Variants in GRIP1 observed in about 807,000 individuals in gnomAD.
GRIP1 encodes the protein glutamate receptor interacting protein 1.
Under a neutral mutation model 129.9 loss-of-function variants are expected in GRIP1, and 45 were observed. That is an observed-to-expected ratio of 0.35 (90% CI 0.27 to 0.44). The LOEUF (loss-of-function observed/expected upper bound fraction) is 0.44. GRIP1 is among the 20% of genes least tolerant of loss of function. GRIP1 has a pLI of 1.00. For synonymous variants in GRIP1, 530 were observed against 520.8 expected (o/e 1.02, Z -0.24); for missense variants, 1,196 against 1,396.8 (o/e 0.86, Z 2.29).
At chr12:66,698,566 C>T (rs2035243145) in intron 1 of GRIP1, among the ~76,000 whole-genome samples, 1 of 152,204 alleles carries the variant, frequency 6.6e-6, no homozygotes, top group African/African-American at 2.4e-5. Flanking sequence ...CCGCAAGTCT[C>T]CTAGGCTAGA....
In GRIP1 at chr12:66,400,175, C is replaced by T. The variant is rs148484134; in HGVS notation, c.1985-5823G>A. Among the ~76,000 whole-genome samples the T allele has an allele frequency of 5.2e-4, 79 of 152,044 alleles. No homozygotes were observed. The East Asian group carries it at 0.013, about 25-fold the overall frequency. ...GTTTGCATTTGACTGAGAATCCCTA[C>T]CCCACAGACCAACAGGAATGGGAAC... On this transcript the variant is annotated intron_variant, in intron 16 of 24. Coordinates refer to ENST00000359742, the MANE Select transcript of GRIP1 (RefSeq NM_001366722.1).
chr12:66,811,525 G>A (rs2039103943), intron 1 of GRIP1, among the ~76,000 whole-genome samples: 1 of 152,100 alleles, frequency 6.6e-6, no homozygotes, highest in Non-Finnish European at 1.5e-5. Context: ...TAAGCTCAAT[G>A]TTTGATGGTT....
intron 24 of GRIP1, among the ~76,000 whole-genome samples, chr12:66,352,488 T>A (rs1280201242): frequency 1.3e-5 from 2 of 152,088 alleles, no homozygotes; most frequent in Non-Finnish European, 2.9e-5. Flanking sequence ...ATCCCAGCAC[T>A]TTGGGAGGCC....
intron 1 of GRIP1, among the ~76,000 whole-genome samples, chr12:66,651,714 A>G (rs2032806869): frequency 6.6e-6 from 1 of 152,078 alleles, no homozygotes; most frequent in Admixed American, 6.5e-5. Flanking sequence ...GGTAATGAGG[A>G]AAAAAAATTC....
intron 2 of GRIP1, among the ~76,000 whole-genome samples, chr12:66,584,969 C>A (rs2063559533): frequency 6.6e-6 from 1 of 152,076 alleles, no homozygotes. Context: ...TGCCTCTATG[C>A]CCTTCCACAC....
chr12:66,569,439 T>G (rs1382636656), intron 2 of GRIP1, among the ~76,000 whole-genome samples: 3 of 151,980 alleles, frequency 2.0e-5, no homozygotes, highest in Non-Finnish European at 4.4e-5. Context: ...ATTGCCCCAC[T>G]ACACTCCAGC....
intron 1 of GRIP1, among the ~76,000 whole-genome samples, chr12:66,663,205 G>C (rs1443009942): frequency 2.0e-5 from 3 of 152,104 alleles, no homozygotes; most frequent in Admixed American, 1.3e-4. Flanking sequence ...TTGTCATAAA[G>C]AGCTTAGCAT....
intron 15 of GRIP1, among the ~76,000 whole-genome samples, chr12:66,408,572 G>A (rs2137684491): frequency 6.6e-6 from 1 of 152,300 alleles, no homozygotes; most frequent in Middle Eastern, 3.4e-3. Flanking sequence ...TCTGAGTTGT[G>A]CTGGCTTCAG....
intron 4 of GRIP1, among the ~76,000 whole-genome samples, chr12:66,538,324 C>G (rs1210302716): frequency 6.6e-6 from 1 of 151,914 alleles, no homozygotes; most frequent in African/African-American, 2.4e-5. Context: ...CTCAGCCTCC[C>G]AAGTAGCTGG....
At chr12:66,546,324 A>T (rs942805702) in intron 2 of GRIP1, among the ~76,000 whole-genome samples, 2 of 148,266 alleles carry the variant, frequency 1.3e-5, no homozygotes, top group South Asian at 2.2e-4. Flanking sequence ...TCTCTGCATA[A>T]TTTTTTTTTT....
chr12:66,997,758 A>G lies in GRIP1; in HGVS notation c.58+71292T>C, dbSNP rs190898656. On this transcript the variant is annotated intron_variant, in intron 1 of 1. Transcript: ENST00000643019. ...CTGATGACAATCTAGCAGGAAAATAATTGTGAGAAAAGTTAAAAACTTATC... is the reference window on the plus strand; with the variant it reads ...CTGATGACAATCTAGCAGGAAAATAGTTGTGAGAAAAGTTAAAAACTTATC... 2.8e-3 allele frequency among the ~76,000 whole-genome samples: 421 copies of G among 152,298 alleles called. 2 individuals carry two copies. The Middle Eastern group carries it at 0.031, about 11-fold the overall frequency.
intron 1 of GRIP1, among the ~76,000 whole-genome samples, chr12:66,945,147 T>A (rs7313386): frequency 0.037 from 5,614 of 152,226 alleles, 352 homozygotes; most frequent in African/African-American, 0.13. Flanking sequence ...TTTCTTTTTT[T>A]AATATCTTAT....
At chr12:66,397,110 C>CAAAAAAAAAAAAAAAA (rs71436004) in intron 16 of GRIP1, among the ~76,000 whole-genome samples, 1 of 60,216 alleles carries the variant, frequency 1.7e-5, no homozygotes, top group Non-Finnish European at 2.8e-5. Flanking sequence ...GACTCTGTCT[C>CAAAAAAAAAAAAAAAA]AAAAAAAAAA....
chr12:66,743,182 C>A (rs2036841578), intron 1 of GRIP1, among the ~76,000 whole-genome samples: 1 of 152,142 alleles, frequency 6.6e-6, no homozygotes, highest in Non-Finnish European at 1.5e-5. Context: ...TGGCATGCAA[C>A]AGGTACTCAT....
chr12:66,975,804 T>C (rs1301875022), intron 1 of GRIP1, among the ~76,000 whole-genome samples: 1 of 152,136 alleles, frequency 6.6e-6, no homozygotes, highest in Non-Finnish European at 1.5e-5. Flanking sequence ...TGCAAATGTG[T>C]TTTGGTCTGT....
chr12:66,781,725 G>A (rs987987469), intron 1 of GRIP1, among the ~76,000 whole-genome samples: 3 of 152,178 alleles, frequency 2.0e-5, no homozygotes, highest in Admixed American at 2.0e-4. Flanking sequence ...TGAGGTAGAA[G>A]ATACAGGTAT....
chr12:66,986,472 T>C lies in GRIP1; in HGVS notation c.58+82578A>G, dbSNP rs563444617. On this transcript the variant is annotated intron_variant, in intron 1 of 1. Transcript: ENST00000643019. ...GACTGGATTAAGAAAATGTGGCACA[T>C]ATACACCATGGAATACTATGCAGCC... Among the ~76,000 whole-genome samples, 292 of 149,336 alleles carry C rather than the reference T, an allele frequency of 2.0e-3. 1 individual carries two copies. Among genetic ancestry groups the C allele is most frequent in the Non-Finnish European group, 3.5e-3 (233 of 67,090 alleles).
At chr12:66,519,763 C>A (rs1045584853) in intron 5 of GRIP1, among the ~76,000 whole-genome samples, 5 of 152,326 alleles carry the variant, frequency 3.3e-5, no homozygotes, top group East Asian at 3.9e-4. Context: ...GCCAGGGCCA[C>A]AGTGCAGACC....
chr12:66,845,777 A>G (rs1321025996), intron 1 of GRIP1, among the ~76,000 whole-genome samples: 6 of 152,208 alleles, frequency 3.9e-5, no homozygotes, highest in Non-Finnish European at 7.3e-5. Context: ...AGGAACATCT[A>G]TTCTGAAAGA....
Sources: gnomAD v4.1 joint callset for allele counts (sites outside exome capture counted in the v4.1 genomes callset) on GRCh38, gnomAD v4.1.1 for gene constraint, MANE v1.5 for transcripts, NCBI Gene and HGNC (gene_info 2026-07-23, HGNC 2026-07-21) for gene names.